The following RIMS2 variants were observed in gnomAD, a reference collection of about 807,000 sequenced individuals.
The protein encoded by RIMS2 is regulating synaptic membrane exocytosis protein 2.
Under a neutral mutation model 174.4 loss-of-function variants are expected in RIMS2, and 59 were observed. That is an observed-to-expected ratio of 0.34 (90% CI 0.27 to 0.42). The LOEUF (loss-of-function observed/expected upper bound fraction) is 0.42. RIMS2 is among the 10% of genes least tolerant of loss of function. RIMS2 has a pLI of 1.00. For missense variants in RIMS2, 1,620 were observed against 1,666.3 expected, an observed-to-expected ratio of 0.97 and a Z score of 0.48; for synonymous variants, 606 against 572.5, an observed-to-expected ratio of 1.06 and a Z score of -0.84.
chr8:104,066,635 C>A (rs1407932567), intron 19 of RIMS2, among the ~76,000 whole-genome samples: 1 of 152,054 alleles, frequency 6.6e-6, no homozygotes, highest in African/African-American at 2.4e-5. Context: ...GGTATTTGTA[C>A]TTGACTATAT....
At chr8:104,040,765 A>G (rs1290852263) in intron 19 of RIMS2, among the ~76,000 whole-genome samples, 1 of 151,716 alleles carries the variant, frequency 6.6e-6, no homozygotes, top group African/African-American at 2.4e-5. Context: ...ATTTTGCTGT[A>G]TTGAAATAAT....
intron 1 of RIMS2, among the ~76,000 whole-genome samples, chr8:103,631,210 A>C (rs1589373816): frequency 6.6e-6 from 1 of 152,162 alleles, no homozygotes; most frequent in Middle Eastern, 3.4e-3. Context: ...TATGTCCAGG[A>C]TGGTATTGCC....
chr8:103,659,665 CG>C (rs2096573388), intron 1 of RIMS2, among the ~76,000 whole-genome samples: 3 of 152,226 alleles, frequency 2.0e-5, no homozygotes, highest in Admixed American at 2.0e-4. Context: ...AAGCAGCCCC[CG>C]CTCCTCCCTT....
At chr8:104,237,317 AC>A (rs2099263817) in intron 19 of RIMS2, among the ~76,000 whole-genome samples, 1 of 152,196 alleles carries the variant, frequency 6.6e-6, no homozygotes, top group Admixed American at 6.5e-5. Context: ...GTAACAAACA[AC>A]TAAAAATATT....
intron 19 of RIMS2, among the ~76,000 whole-genome samples, chr8:104,085,240 C>T (rs1052626554): frequency 1.3e-5 from 2 of 152,206 alleles, no homozygotes; most frequent in African/African-American, 4.8e-5. Context: ...TCTTCCTATT[C>T]TCCTTTCTTA....
chr8:103,589,942 G>A (rs979784042), intron 1 of RIMS2, among the ~76,000 whole-genome samples: 2 of 148,330 alleles, frequency 1.3e-5, no homozygotes, highest in East Asian at 3.9e-4. Context: ...GGAAATGGTA[G>A]TGGGGGCTCT....
chr8:103,916,296 C>T (rs2076621146), intron 7 of RIMS2, 118 bp from the exon 11 acceptor site: 7 of 625,386 alleles, frequency 1.1e-5, no homozygotes, highest in East Asian at 8.7e-5. Context: ...CAGTATGTTT[C>T]GTATTGTATA....
At chr8:103,516,498 C>A (rs551893985) in intron 1 of RIMS2, among the ~76,000 whole-genome samples, 1 of 151,950 alleles carries the variant, frequency 6.6e-6, no homozygotes, top group East Asian at 1.9e-4. Context: ...GAATGACTCT[C>A]TTGGTAATTG....
At chr8:104,234,753 A>G (rs531546438) in intron 19 of RIMS2, among the ~76,000 whole-genome samples, 13 of 152,294 alleles carry the variant, frequency 8.5e-5, no homozygotes, top group African/African-American at 3.1e-4. Flanking sequence ...GTCAGTATTA[A>G]CAATTACAGG....
intron 7 of RIMS2, 125 bp from the exon 11 acceptor site, chr8:103,916,289 T>C: frequency 1.8e-6 from 1 of 569,174 alleles, no homozygotes; most frequent in Non-Finnish European, 2.9e-6. Flanking sequence ...TTGTTCTCAG[T>C]ATGTTTCGTA....
At chr8:104,248,085 CAAATGATCAGAT>C (rs2140181723) in intron 20 of RIMS2, among the ~76,000 whole-genome samples, 1 of 152,084 alleles carries the variant, frequency 6.6e-6, no homozygotes, top group Admixed American at 6.5e-5. Context: ...GAAATTGTGT[CAAATGATCAGAT>C]AATTTTAGTG....
intron 19 of RIMS2, among the ~76,000 whole-genome samples, chr8:104,058,399 C>T (rs1383714935): frequency 8.7e-5 from 13 of 150,218 alleles, no homozygotes; most frequent in Non-Finnish European, 1.5e-4. Context: ...ATCCTTCGCC[C>T]ACTTTTTGAT....
intron 19 of RIMS2, among the ~76,000 whole-genome samples, chr8:104,174,569 G>C (rs1460070287): frequency 1.3e-5 from 2 of 152,156 alleles, no homozygotes; most frequent in East Asian, 1.9e-4. Context: ...TTGAACATCA[G>C]CTGTGTTCTT....
intron 1 of RIMS2, chr8:103,568,542 G>A (rs560236628): frequency 1.6e-5 from 7 of 432,208 alleles, no homozygotes; most frequent in African/African-American, 6.0e-5. Context: ...AGTATTCACT[G>A]GTGCTATAAG....
intron 19 of RIMS2, among the ~76,000 whole-genome samples, chr8:104,147,922 A>G (rs1386973865): frequency 6.6e-6 from 1 of 152,236 alleles, no homozygotes; most frequent in East Asian, 1.9e-4. Context: ...TTTCTGGCAC[A>G]CTGTCTGGAA....
intron 3 of RIMS2, among the ~76,000 whole-genome samples, chr8:103,811,500 A>G (rs56848540): frequency 6.6e-6 from 1 of 152,142 alleles, no homozygotes; most frequent in African/African-American, 2.4e-5. Flanking sequence ...GCTGGAGTGC[A>G]GTGGCGTGAT....
At chr8:103,819,544 G>T (rs1454367716) in intron 3 of RIMS2, 3 of 1,613,216 alleles carry the variant, frequency 1.9e-6, no homozygotes, top group African/African-American at 1.3e-5. Flanking sequence ...CTGCAATTCT[G>T]TTTTATCTCA....
At chr8:104,151,247 G>A (rs1201015749) in intron 19 of RIMS2, among the ~76,000 whole-genome samples, 1 of 152,138 alleles carries the variant, frequency 6.6e-6, no homozygotes, top group Non-Finnish European at 1.5e-5. Context: ...CTGAGTGGAT[G>A]GTAGTGCCAT....
At chr8:103,877,211 T>C (rs779954643) in intron 3 of RIMS2, among the ~76,000 whole-genome samples, 12 of 151,798 alleles carry the variant, frequency 7.9e-5, no homozygotes, top group Non-Finnish European at 1.5e-4. Flanking sequence ...CAACATTTAT[T>C]ATTTTTTTGA....
Sources: gnomAD v4.1 joint callset for allele counts (sites outside exome capture counted in the v4.1 genomes callset) on GRCh38, gnomAD v4.1.1 for gene constraint, MANE v1.5 for transcripts, NCBI Gene and HGNC (gene_info 2026-07-23, HGNC 2026-07-21) for gene names.